Variants in ADARB2 observed in about 807,000 individuals in gnomAD.
The protein encoded by ADARB2 is adenosine deaminase RNA specific B2 (inactive).
ADARB2 carries 25 observed loss-of-function variants against 62.2 expected under a neutral mutation model. The observed-to-expected ratio is 0.40, with a 90% CI of 0.29 to 0.56. The LOEUF is 0.56. Among genes scored for constraint, ADARB2 ranks in the 20% least tolerant of loss-of-function variants. The pLI, the probability that ADARB2 is intolerant of heterozygous loss-of-function variation, is 0.43. For missense variants in ADARB2, 1,071 were observed against 1,077.4 expected (o/e 0.99, Z 0.08); for synonymous variants, 572 against 500.8 (o/e 1.14, Z -1.90).
At chr10:1,191,189 G>A (rs1340728252) in intron 8 of ADARB2, among the ~76,000 whole-genome samples, 2 of 152,236 alleles carry the variant, frequency 1.3e-5, no homozygotes, top group African/African-American at 4.8e-5. Context: ...ACTTCTCCCC[G>A]CATCTGTTTC....
At chr10:1,542,089 TCACAG>T (rs1564323572) in intron 1 of ADARB2, among the ~76,000 whole-genome samples, 1 of 31,768 alleles carries the variant, frequency 3.1e-5, no homozygotes, top group Non-Finnish European at 7.0e-5. Context: ...AGACCCTGGA[TCACAG>T]CCGCCCAGAC....
At chr10:1,191,371 C>T (rs994672210) in intron 8 of ADARB2, among the ~76,000 whole-genome samples, 14 of 152,138 alleles carry the variant, frequency 9.2e-5, no homozygotes, top group Admixed American at 3.3e-4. Context: ...GGGTGGCCTC[C>T]GTTGGGTAGG....
At chr10:1,478,292 G>A (rs533852492) in intron 1 of ADARB2, among the ~76,000 whole-genome samples, 1 of 152,184 alleles carries the variant, frequency 6.6e-6, no homozygotes, top group Non-Finnish European at 1.5e-5. Flanking sequence ...GACATCAGAG[G>A]GGGTGGGTCT....
intron 1 of ADARB2, among the ~76,000 whole-genome samples, chr10:1,387,672 T>C: frequency 6.6e-6 from 1 of 151,952 alleles, no homozygotes; most frequent in East Asian, 1.9e-4. Flanking sequence ...GCAAGAAATA[T>C]TTAAAGAAGA....
At chr10:1,306,486 A>G (rs1564252703) in intron 3 of ADARB2, among the ~76,000 whole-genome samples, 1 of 152,046 alleles carries the variant, frequency 6.6e-6, no homozygotes, top group Non-Finnish European at 1.5e-5. Context: ...CATACTGCCC[A>G]AGGTAATTTG....
intron 8 of ADARB2, among the ~76,000 whole-genome samples, chr10:1,193,105 C>T (rs550464015): frequency 4.6e-5 from 7 of 152,158 alleles, no homozygotes; most frequent in Non-Finnish European, 7.3e-5. Context: ...GAACGGGCCA[C>T]GCTGGCTGCA....
intron 1 of ADARB2, among the ~76,000 whole-genome samples, chr10:1,487,170 G>A (rs188049329): frequency 3.8e-4 from 58 of 152,338 alleles, no homozygotes; most frequent in African/African-American, 1.1e-3. Context: ...TAGCAAACCT[G>A]GAAAGTCAAA....
intron 1 of ADARB2, among the ~76,000 whole-genome samples, chr10:1,664,650 A>G (rs764256965): frequency 6.6e-6 from 1 of 152,142 alleles, no homozygotes; most frequent in Non-Finnish European, 1.5e-5. Flanking sequence ...GTCGTCTGGT[A>G]GGAGTGCACT....
intron 6 of ADARB2, among the ~76,000 whole-genome samples, chr10:1,229,775 C>G (rs1483028437): frequency 2.4e-5 from 1 of 42,186 alleles, no homozygotes; most frequent in Non-Finnish European, 4.6e-5. Context: ...CACATATGTG[C>G]TTCTGTGTAC....
At chr10:1,604,141 C>T (rs2132016677) in intron 1 of ADARB2, among the ~76,000 whole-genome samples, 1 of 152,294 alleles carries the variant, frequency 6.6e-6, no homozygotes, top group African/African-American at 2.4e-5. Context: ...AGTCAATACT[C>T]AGTCATCAAT....
intron 8 of ADARB2, among the ~76,000 whole-genome samples, chr10:1,197,288 T>TA (rs1178584799): frequency 1.3e-5 from 2 of 152,020 alleles, no homozygotes; most frequent in South Asian, 2.1e-4. Context: ...TCTGGACTCA[T>TA]AAAAAAAATG....
chr10:1,660,973 G>T (rs1470116084), intron 1 of ADARB2, among the ~76,000 whole-genome samples: 1 of 152,032 alleles, frequency 6.6e-6, no homozygotes, highest in Non-Finnish European at 1.5e-5. Context: ...CCCCCCCTCT[G>T]ACCAGAAACA....
At chr10:1,415,492 T>TAGC in intron 1 of ADARB2, among the ~76,000 whole-genome samples, 1 of 51,062 alleles carries the variant, frequency 2.0e-5, no homozygotes, top group African/African-American at 4.5e-5. Flanking sequence ...ATACATGAGT[T>TAGC]GGCCAGATAA....
chr10:1,259,122 C>A (rs1589167851), intron 4 of ADARB2, among the ~76,000 whole-genome samples: 1 of 152,274 alleles, frequency 6.6e-6, no homozygotes, highest in Non-Finnish European at 1.5e-5. Context: ...ACACAACATA[C>A]CAGAATCTCT....
chr10:1,424,636 C>T (rs1448670122), intron 1 of ADARB2, among the ~76,000 whole-genome samples: 2 of 151,062 alleles, frequency 1.3e-5, no homozygotes, highest in Non-Finnish European at 2.9e-5. Flanking sequence ...GATGGTGCAT[C>T]AGGAGTTTGC....
intron 1 of ADARB2, among the ~76,000 whole-genome samples, chr10:1,507,301 C>T (rs886705180): frequency 1.3e-5 from 2 of 152,182 alleles, no homozygotes; most frequent in South Asian, 2.1e-4. Flanking sequence ...TGTGAGGGAA[C>T]CTCAGGAGGC....
intron 1 of ADARB2, among the ~76,000 whole-genome samples, chr10:1,428,739 G>A (rs967031904): frequency 7.2e-5 from 11 of 152,032 alleles, no homozygotes; most frequent in African/African-American, 2.2e-4. Flanking sequence ...TGTGGTGACC[G>A]GATGTTCTGT....
At chr10:1,463,980 C>T (rs541352672) in intron 1 of ADARB2, among the ~76,000 whole-genome samples, 7 of 152,354 alleles carry the variant, frequency 4.6e-5, no homozygotes, top group African/African-American at 9.6e-5. Context: ...CCCCATAAGA[C>T]GCCTGGACAC....
chr10:1,394,312 A>G (rs1832593311), intron 1 of ADARB2, among the ~76,000 whole-genome samples: 2 of 152,086 alleles, frequency 1.3e-5, no homozygotes. Context: ...CCTCTGATCC[A>G]CTTAACGCCA....
Sources: allele counts gnomAD v4.1 joint callset (sites outside exome capture counted in the v4.1 genomes callset), GRCh38; gene constraint gnomAD v4.1.1; transcripts MANE v1.5; gene names NCBI Gene and HGNC (gene_info 2026-07-23, HGNC 2026-07-21).